The following NCAM2 variants were observed in gnomAD, a reference collection of about 807,000 sequenced individuals.
The protein encoded by NCAM2 is neural cell adhesion molecule 2.
In NCAM2, 30 loss-of-function variants were observed where a neutral mutation model predicts 98.1. That is an observed-to-expected ratio of 0.31 (90% CI 0.23 to 0.41). NCAM2 has a LOEUF of 0.41. Ranked by LOEUF, NCAM2 falls within the 10% of genes least tolerant of loss-of-function variation. The pLI, the probability that NCAM2 is intolerant of heterozygous loss-of-function variation, is 1.00. For missense variants in NCAM2, 867 were observed against 1,005.8 expected (o/e 0.86, Z 1.87); for synonymous variants, 368 against 342.4 (o/e 1.07, Z -0.83).
At chr21:21,141,607 T>A (rs988571434) in intron 1 of NCAM2, among the ~76,000 whole-genome samples, 1 of 152,206 alleles carries the variant, frequency 6.6e-6, no homozygotes, top group Admixed American at 6.5e-5. Flanking sequence ...TATGAGAGCA[T>A]ATTTGATAGA....
intron 5 of NCAM2, among the ~76,000 whole-genome samples, chr21:21,303,412 AATTATTTTGAGATTCATTTATGTT>A (rs989718171): frequency 7.2e-5 from 11 of 151,916 alleles, no homozygotes; most frequent in African/African-American, 2.7e-4. Context: ...TTCACTCAAA[AATTATTTTGAGATTCATTTATGTT>A]ATCCCATGCC....
intron 9 of NCAM2, among the ~76,000 whole-genome samples, chr21:21,403,494 A>G (rs535794649): frequency 1.3e-5 from 2 of 152,282 alleles, no homozygotes; most frequent in South Asian, 2.1e-4. Context: ...TTTTTCCTCC[A>G]CAAACTCTCA....
At chr21:21,035,742 A>G (rs1351252510) in intron 1 of NCAM2, among the ~76,000 whole-genome samples, 3 of 152,196 alleles carry the variant, frequency 2.0e-5, no homozygotes, top group Non-Finnish European at 4.4e-5. Flanking sequence ...GTATTTGATA[A>G]GAGTGTTTTC....
intron 1 of NCAM2, among the ~76,000 whole-genome samples, chr21:21,106,314 C>CGAAAAAAGAAAAAAAAAAAAAAAA: frequency 9.7e-6 from 1 of 103,490 alleles, no homozygotes; most frequent in Non-Finnish European, 1.8e-5. Context: ...GTCTCAAAAG[C>CGAAAAAAGAAAAAAAAAAAAAAAA]AAAAAAAAAA....
At chr21:21,281,322 AAATATGC>A (rs1356672253) in intron 2 of NCAM2, among the ~76,000 whole-genome samples, 1 of 152,162 alleles carries the variant, frequency 6.6e-6, no homozygotes, top group Non-Finnish European at 1.5e-5. Flanking sequence ...CCATTTTTGT[AAATATGC>A]AATGAATAAA....
At chr21:21,482,253 G>C (rs755960498) in intron 15 of NCAM2, among the ~76,000 whole-genome samples, 38 of 152,140 alleles carry the variant, frequency 2.5e-4, no homozygotes, top group Admixed American at 6.5e-4. Flanking sequence ...CTGTGATGAT[G>C]GGGAATTTGA....
At chr21:21,246,789 T>C (rs2071286690) in intron 1 of NCAM2, among the ~76,000 whole-genome samples, 1 of 152,200 alleles carries the variant, frequency 6.6e-6, no homozygotes, top group Admixed American at 6.5e-5. Flanking sequence ...TTTTGAAACT[T>C]TTCAGAAAAC....
rs560086770 is a variant in NCAM2, at chr21:21,426,878, G to A, written c.1481-5230G>A. ...AAGATTTTAGCCTGCAATTTCTTAT[G>A]ATAAACAGGAGTGTCTTAAATCGTA... is the stretch of plus-strand genomic sequence containing the variant. On this transcript the variant is annotated intron_variant, in intron 11 of 17. Transcript: ENST00000400546. 1.4e-4 allele frequency among the ~76,000 whole-genome samples: 22 copies of A among 152,308 alleles called. No individual in the cohort carries two copies. In the South Asian group the frequency reaches 4.6e-3, roughly 32 times the overall value.
chr21:21,255,572 G>A, intron 1 of NCAM2, among the ~76,000 whole-genome samples: 1 of 152,160 alleles, frequency 6.6e-6, no homozygotes, highest in East Asian at 1.9e-4. Context: ...GAAGAATGCT[G>A]TATGTTTTCT....
chr21:21,409,643 T>C (rs2076816332), intron 9 of NCAM2, among the ~76,000 whole-genome samples: 1 of 152,214 alleles, frequency 6.6e-6, no homozygotes, highest in Non-Finnish European at 1.5e-5. Context: ...AAGTAGATAG[T>C]CATTAACATA....
At chr21:21,462,821 T>A (rs1396861059) in intron 12 of NCAM2, among the ~76,000 whole-genome samples, 1 of 152,100 alleles carries the variant, frequency 6.6e-6, no homozygotes, top group Non-Finnish European at 1.5e-5. Flanking sequence ...AATTCATGAT[T>A]GTTTATAATT....
At chr21:21,389,940 C>T (rs1704283429) in intron 9 of NCAM2, among the ~76,000 whole-genome samples, 1 of 152,182 alleles carries the variant, frequency 6.6e-6, no homozygotes, top group South Asian at 2.1e-4. Context: ...ACCTCCACCT[C>T]TCCGGTTCAA....
intron 8 of NCAM2, among the ~76,000 whole-genome samples, chr21:21,345,675 G>A (rs2075168383): frequency 6.6e-6 from 1 of 152,114 alleles, no homozygotes; most frequent in Non-Finnish European, 1.5e-5. Flanking sequence ...AGGAGATAGA[G>A]AAAGAGATAG....
intron 1 of NCAM2, among the ~76,000 whole-genome samples, chr21:21,258,623 A>C (rs951122980): frequency 6.6e-6 from 1 of 152,170 alleles, no homozygotes; most frequent in Non-Finnish European, 1.5e-5. Context: ...TGCTGGGGTC[A>C]GAGAACCAGG....
chr21:21,361,858 T>G (rs2147995950), intron 8 of NCAM2, among the ~76,000 whole-genome samples: 1 of 152,306 alleles, frequency 6.6e-6, no homozygotes, highest in South Asian at 2.1e-4. Flanking sequence ...TGAAAACATC[T>G]TTGGCTTTTA....
At chr21:21,061,819 C>A (rs1032401282) in intron 1 of NCAM2, among the ~76,000 whole-genome samples, 3 of 152,042 alleles carry the variant, frequency 2.0e-5, no homozygotes, top group African/African-American at 7.2e-5. Flanking sequence ...AAATATTCAT[C>A]ATAGGTTTTA....
At chr21:21,462,661 A>G (rs1983135171) in intron 12 of NCAM2, among the ~76,000 whole-genome samples, 1 of 151,972 alleles carries the variant, frequency 6.6e-6, no homozygotes, top group South Asian at 2.1e-4. Context: ...AGTGTTTTTA[A>G]TGTATCTTGA....
chr21:21,472,549 G>T (rs187787983), intron 14 of NCAM2, among the ~76,000 whole-genome samples: 2 of 152,034 alleles, frequency 1.3e-5, no homozygotes. Flanking sequence ...AAGTTAAGAG[G>T]ATGAGTTTTA....
intron 1 of NCAM2, among the ~76,000 whole-genome samples, chr21:21,072,129 G>T (rs1241738831): frequency 6.6e-6 from 1 of 152,044 alleles, no homozygotes; most frequent in Non-Finnish European, 1.5e-5. Flanking sequence ...AGCCAGGATG[G>T]TCTCGATCTC....
Sources: gnomAD v4.1 joint callset for allele counts (sites outside exome capture counted in the v4.1 genomes callset) on GRCh38, gnomAD v4.1.1 for gene constraint, MANE v1.5 for transcripts, NCBI Gene and HGNC (gene_info 2026-07-23, HGNC 2026-07-21) for gene names.